The following PUM1 variants were observed in gnomAD, a reference collection of about 807,000 sequenced individuals.
PUM1 encodes the protein pumilio RNA binding family member 1.
PUM1 carries 13 observed loss-of-function variants against 131.8 expected under a neutral mutation model. The ratio of observed to expected loss-of-function variants is 0.10; its 90% CI spans 0.06 to 0.16. The LOEUF is 0.16. Among genes scored for constraint, PUM1 ranks in the 10% least tolerant of loss-of-function variants. PUM1 has a pLI of 1.00. For missense variants in PUM1, 961 were observed against 1,512.4 expected (o/e 0.64, Z 6.05); for synonymous variants, 509 against 556.5 (o/e 0.91, Z 1.20).
intron 13 of PUM1, 50 bp downstream of exon 13, chr1:30,965,932 G>A (rs761549808): frequency 1.3e-6 from 2 of 1,536,638 alleles, no homozygotes; most frequent in Non-Finnish European, 1.8e-6. Context: ...CAGAAGGATT[G>A]TAAAAATAAT....
At chr1:30,997,011 AAG>A (rs1642004176) in intron 5 of PUM1, among the ~76,000 whole-genome samples, 1 of 152,236 alleles carries the variant, frequency 6.6e-6, no homozygotes, top group South Asian at 2.1e-4. Context: ...ATCATTAAAT[AAG>A]AGTCCTGGAG....
intron 9 of PUM1, among the ~76,000 whole-genome samples, chr1:30,977,346 G>A (rs539170400): frequency 6.6e-6 from 1 of 152,112 alleles, no homozygotes; most frequent in African/African-American, 2.4e-5. Context: ...GAGTACAGCC[G>A]TATCTACCTT....
intron 2 of PUM1, among the ~76,000 whole-genome samples, chr1:31,053,524 G>A (rs1162829528): frequency 1.4e-5 from 2 of 145,160 alleles, no homozygotes; most frequent in Non-Finnish European, 1.5e-5. Context: ...CCAAAATGGA[G>A]TGCAGTGGCA....
At chr1:30,942,559 T>A (rs796581333) in intron 18 of PUM1, among the ~76,000 whole-genome samples, 2 of 152,134 alleles carry the variant, frequency 1.3e-5, no homozygotes, top group Non-Finnish European at 2.9e-5. Flanking sequence ...TGCAATGTTC[T>A]GATTTAACTG....
At chr1:31,038,283 G>A (rs1371356959) in intron 2 of PUM1, among the ~76,000 whole-genome samples, 1 of 151,848 alleles carries the variant, frequency 6.6e-6, no homozygotes, top group African/African-American at 2.4e-5. Context: ...TAGTCTCCAT[G>A]AACTGAGGGG....
intron 6 of PUM1, 48 bp from the exon 7 acceptor site, chr1:30,992,708 G>C (rs1376508577): frequency 6.5e-7 from 1 of 1,543,190 alleles, no homozygotes; most frequent in East Asian, 2.3e-5. Context: ...CAGTGGGGAG[G>C]GACTACAGCA....
intron 8 of PUM1, 73 bp from the exon 9 acceptor site, chr1:30,980,236 T>C (rs1641305028): frequency 8.5e-7 from 1 of 1,176,416 alleles, no homozygotes; most frequent in Admixed American, 1.9e-5. Flanking sequence ...CTACACAGTT[T>C]CGCTATTCAC....
chr1:30,934,850 C>T (rs1363908767), intron 21 of PUM1, among the ~76,000 whole-genome samples: 3 of 152,210 alleles, frequency 2.0e-5, no homozygotes, highest in Admixed American at 1.3e-4. Flanking sequence ...GCCACACACA[C>T]ACATGTTGAA....
At chr1:31,005,044 G>C (rs758237719) in intron 5 of PUM1, among the ~76,000 whole-genome samples, 1 of 152,206 alleles carries the variant, frequency 6.6e-6, no homozygotes, top group Non-Finnish European at 1.5e-5. Flanking sequence ...TGGCCTTCCT[G>C]TCTGTGACCT....
chr1:31,064,715 G>C (rs1055271114), intron 1 of PUM1, among the ~76,000 whole-genome samples: 1 of 130,658 alleles, frequency 7.7e-6, no homozygotes, highest in African/African-American at 2.9e-5. Context: ...GGAGAATAAA[G>C]CCTTCTCTGG....
intron 14 of PUM1, among the ~76,000 whole-genome samples, chr1:30,954,854 A>C (rs893877641): frequency 6.6e-6 from 1 of 152,076 alleles, no homozygotes; most frequent in Non-Finnish European, 1.5e-5. Context: ...CTTGAGCCTA[A>C]GAGTTCGAGA....
At chr1:30,991,953 T>A (rs941352158) in intron 7 of PUM1, among the ~76,000 whole-genome samples, 1 of 152,246 alleles carries the variant, frequency 6.6e-6, no homozygotes, top group Admixed American at 6.5e-5. Flanking sequence ...TGGAGTAACT[T>A]GTTTAACTGT....
chr1:31,060,889 A>T (rs1445092937), intron 1 of PUM1, among the ~76,000 whole-genome samples: 1 of 138,838 alleles, frequency 7.2e-6, no homozygotes, highest in South Asian at 2.2e-4. Context: ...CTGTTTCAGT[A>T]AAAAAAAAAA....
chr1:31,025,545 C>CTTTT (rs35510099), intron 3 of PUM1, among the ~76,000 whole-genome samples: 121 of 88,804 alleles, frequency 1.4e-3, no homozygotes, highest in East Asian at 4.2e-3. Flanking sequence ...TGTTTTTTGT[C>CTTTT]TTTTTTTTTT....
intron 14 of PUM1, among the ~76,000 whole-genome samples, chr1:30,961,787 G>A (rs1336757352): frequency 2.6e-5 from 4 of 151,972 alleles, no homozygotes; most frequent in Non-Finnish European, 1.5e-5. Flanking sequence ...TTTTGTGGTC[G>A]ATATCATTAG....
intron 2 of PUM1, among the ~76,000 whole-genome samples, chr1:31,047,961 C>G (rs1203847648): frequency 6.7e-6 from 1 of 150,082 alleles, no homozygotes; most frequent in Non-Finnish European, 1.5e-5. Flanking sequence ...TTTTAAAAGG[C>G]CGGACACAGT....
chr1:30,974,016 A>T (rs1054468237), intron 10 of PUM1, among the ~76,000 whole-genome samples: 7 of 151,854 alleles, frequency 4.6e-5, no homozygotes, highest in African/African-American at 1.4e-4. Context: ...TGAATCCGGG[A>T]TGCGGAGATT....
chr1:30,973,263 A>G (rs1016824050), intron 10 of PUM1, among the ~76,000 whole-genome samples: 1 of 151,836 alleles, frequency 6.6e-6, no homozygotes, highest in African/African-American at 2.4e-5. Flanking sequence ...AAAAAAAAAA[A>G]AAAAATTAAA....
chr1:30,959,521 G>C (rs1327034208), intron 14 of PUM1, among the ~76,000 whole-genome samples: 5 of 151,940 alleles, frequency 3.3e-5, no homozygotes, highest in Non-Finnish European at 7.4e-5. Flanking sequence ...ATGTATATCT[G>C]GAATGCAGGA....
Sources: allele counts gnomAD v4.1 joint callset (sites outside exome capture counted in the v4.1 genomes callset), GRCh38; gene constraint gnomAD v4.1.1; transcripts MANE v1.5; gene names NCBI Gene and HGNC (gene_info 2026-07-23, HGNC 2026-07-21).